The following ASS1 variants were observed in gnomAD, a reference collection of about 807,000 sequenced individuals.
ASS1 encodes the protein argininosuccinate synthase.
A neutral mutation model predicts 60.5 loss-of-function variants in ASS1; 58 were observed. That is an observed-to-expected ratio of 0.96 (90% CI 0.78 to 1.19). ASS1 has a LOEUF of 1.19. Among genes scored for constraint, ASS1 ranks in the 50% most tolerant of loss-of-function variants. The probability of loss-of-function intolerance (pLI) is 0.00; values close to 1 mark genes in which losing one functional copy is unlikely to be tolerated. For missense variants in ASS1, 454 were observed against 547.3 expected, an observed-to-expected ratio of 0.83 and a Z score of 1.70; for synonymous variants, 200 against 206.9, an observed-to-expected ratio of 0.97 and a Z score of 0.29.
chr9:130,464,319 G>T lies in ASS1; in HGVS notation c.420+152G>T, dbSNP rs570604185. ...ATCGGGTGGACAGCCTGCTGGGGAG[G>T]CTCCCTTCGCTGGGGCCAGCTCCAG... On this transcript the variant is annotated intron_variant, in intron 5 of 14. Coordinates refer to ENST00000352480, the MANE Select transcript of ASS1 (RefSeq NM_054012.4). The T allele has an allele frequency of 4.4e-6, 4 of 908,680 alleles. No homozygotes were observed. In the East Asian group the frequency reaches 1.0e-4, roughly 24 times the overall value. 56.3% of individuals were successfully genotyped at this position (908,680 alleles called of 1,614,324 possible). A position where few individuals can be genotyped will look rare whatever the true frequency, so the allele number is the denominator to read the frequency against.
chr9:130,490,059 G>A (rs893582207), intron 12 of ASS1, among the ~76,000 whole-genome samples: 34 of 152,348 alleles, frequency 2.2e-4, no homozygotes, highest in Non-Finnish European at 3.5e-4. Flanking sequence ...CAGGGCCTGA[G>A]CCCTGTCACA....
chr9:130,478,841 C>T lies in ASS1; in HGVS notation c.689-875C>T, dbSNP rs1341197051. The stretch of plus-strand genomic sequence containing the variant: ...TGGGGGTTAAGAATGGCGAGGCTGA[C>T]AGCGCCTTGAGTGAAGCCCCTCCAA... On this transcript the variant is annotated intron_variant, in intron 9 of 14. Transcript: ENST00000352480. This position sits in a 1 kb window ranked among gnomAD's most constrained non-coding sequence, Gnocchi z 4.7. Among the ~76,000 whole-genome samples, 3 of 152,184 alleles carry T rather than the reference C, an allele frequency of 2.0e-5. No individual in the cohort carries two copies. The highest frequency in any genetic ancestry group is 2.9e-5 in the Non-Finnish European group (2 of 68,042).
intron 8 of ASS1, among the ~76,000 whole-genome samples, chr9:130,472,984 C>G (rs1002349913): frequency 6.6e-6 from 1 of 152,182 alleles, no homozygotes; most frequent in African/African-American, 2.4e-5. Flanking sequence ...GGAAATCACC[C>G]CCTCGGACCG....
upstream of ASS1, chr9:130,444,855 G>C (rs1845158667): frequency 6.6e-6 from 1 of 152,248 alleles, no homozygotes; most frequent in Non-Finnish European, 1.5e-5. The surrounding 1 kb of genome is among the most constrained non-coding windows in gnomAD (Gnocchi z 4.7). Flanking sequence ...GCGGGGGCCG[G>C]GCCCGGGGGC....
chr9:130,469,461 G>A (rs910246060), intron 6 of ASS1, among the ~76,000 whole-genome samples: 24 of 151,352 alleles, frequency 1.6e-4, no homozygotes, highest in African/African-American at 5.8e-4. Context: ...CCCAAGCTGG[G>A]GTGCAATGGC....
At chr9:130,445,259 T>C (rs970697974) in intron 1 of ASS1, 24 of 789,118 alleles carry the variant, frequency 3.0e-5, no homozygotes, top group Middle Eastern at 6.5e-4. Context: ...AGTCCCCGGG[T>C]CCGAAGAGCG....
At chr9:130,500,905 G>T in intron 14 of ASS1, 71 bp from the exon 15 acceptor site, 2 of 1,544,920 alleles carry the variant, frequency 1.3e-6, no homozygotes, top group African/African-American at 1.4e-5. Flanking sequence ...AGCTCTGCCT[G>T]AATTAATTGA....
intron 4 of ASS1, among the ~76,000 whole-genome samples, chr9:130,460,721 C>T (rs1845569380): frequency 6.6e-6 from 1 of 152,068 alleles, no homozygotes; most frequent in Non-Finnish European, 1.5e-5. Context: ...TTGGCTTCAT[C>T]CTGAGGGCAA....
At chr9:130,487,991 G>A (rs1846348625) in intron 11 of ASS1, among the ~76,000 whole-genome samples, 1 of 152,084 alleles carries the variant, frequency 6.6e-6, no homozygotes, top group Non-Finnish European at 1.5e-5. Flanking sequence ...CTGACCTGAG[G>A]TGATCCACCT....
Position 130,452,475 on chromosome 9 carries a change from T to C in ASS1, c.105+142T>C. On this transcript the variant is annotated intron_variant, in intron 2 of 14. Coordinates refer to ENST00000352480, the MANE Select transcript of ASS1 (RefSeq NM_054012.4). Reference sequence around the variant, plus strand: ...CTGGCCTCTTCTCTCGAAGCCTGTCTTGAACTGGAACTAGGAAAATAGCTT... The same window carrying C: ...CTGGCCTCTTCTCTCGAAGCCTGTCCTGAACTGGAACTAGGAAAATAGCTT... The C allele has an allele frequency of 1.0e-5, 8 of 765,108 alleles. No homozygotes were observed. The South Asian group carries it at 1.2e-4, about 11-fold the overall frequency. The allele number at this position is 765,108 out of a possible 1,614,324, so 47.4% of individuals were successfully genotyped here.
intron 11 of ASS1, among the ~76,000 whole-genome samples, chr9:130,487,478 G>C (rs1032959468): frequency 2.0e-5 from 3 of 151,698 alleles, no homozygotes; most frequent in African/African-American, 7.3e-5. Flanking sequence ...GCGTAAGCGT[G>C]CCGCTCAACG....
intron 3 of ASS1, among the ~76,000 whole-genome samples, chr9:130,454,870 T>C (rs1845405874): frequency 6.7e-6 from 1 of 148,218 alleles, no homozygotes; most frequent in South Asian, 2.2e-4. Flanking sequence ...TCATCCATCA[T>C]CCATCCACCC....
intron 4 of ASS1, among the ~76,000 whole-genome samples, chr9:130,460,801 G>A (rs1378521715): frequency 6.6e-6 from 1 of 152,174 alleles, no homozygotes; most frequent in Non-Finnish European, 1.5e-5. Context: ...CGAGATGCTG[G>A]GGAAGAGACA....
intron 12 of ASS1, among the ~76,000 whole-genome samples, chr9:130,493,643 G>A (rs542019355): frequency 6.6e-6 from 1 of 152,310 alleles, no homozygotes; most frequent in South Asian, 2.1e-4. Context: ...CCTTTATCAG[G>A]GCAGGAGATC....
chr9:130,490,651 T>A (rs73544053), intron 12 of ASS1, among the ~76,000 whole-genome samples: 5,365 of 152,116 alleles, frequency 0.035, 330 homozygotes, highest in African/African-American at 0.12. Context: ...GGAAAAAAAA[T>A]TTTTTAATGC....
intron 1 of ASS1, chr9:130,445,216 G>A (rs1473193820): frequency 5.1e-6 from 5 of 984,242 alleles, no homozygotes; most frequent in African/African-American, 1.8e-5. Flanking sequence ...GAGCGTGGGG[G>A]ACGCGGCGGG....
intron 8 of ASS1, among the ~76,000 whole-genome samples, chr9:130,473,856 C>A (rs918750777): frequency 3.9e-5 from 6 of 152,176 alleles, no homozygotes; most frequent in Non-Finnish European, 8.8e-5. Flanking sequence ...TGAAAGAGTT[C>A]ATTCAGTCGC....
chr9:130,494,924 A>G lies in ASS1; in HGVS notation c.1028A>G (p.Glu343Gly). 1 of 1,613,546 alleles carries G rather than the reference A, an allele frequency of 6.2e-7. No homozygotes were observed. Among genetic ancestry groups the G allele is most frequent in the Non-Finnish European group, 8.5e-7 (1 of 1,179,934 alleles). ...CGCCACTGCATCGCCAAGTCCCAGGAGCGAGTGGAAGGGAAAGTGCAGGTG... is the reference window on the plus strand; with the variant it reads ...CGCCACTGCATCGCCAAGTCCCAGGGGCGAGTGGAAGGGAAAGTGCAGGTG... Reference protein sequence around the residue: ...FVRHCIAKSQERVEGKVQVSV... With the variant: ...FVRHCIAKSQGRVEGKVQVSV... Residue 343 changes from glutamate (E) to glycine (G), a missense_variant, in exon 13 of 15, where the codon GAG becomes GGG. Glu to Gly is a moderately conservative substitution (Grantham distance 98, BLOSUM62 -2). Transcript: ENST00000352480. The surrounding 1 kb of genome is among the most constrained non-coding windows in gnomAD (Gnocchi z 4.3).
At chr9:130,484,516 C>T (rs183149957) in intron 11 of ASS1, among the ~76,000 whole-genome samples, 40 of 152,152 alleles carry the variant, frequency 2.6e-4, no homozygotes, top group African/African-American at 5.5e-4. Flanking sequence ...CTGCTGACAC[C>T]TCTGTCTTTT....
Sources: allele counts gnomAD v4.1 joint callset (sites outside exome capture counted in the v4.1 genomes callset), GRCh38; gene constraint gnomAD v4.1.1; non-coding constraint Gnocchi (gnomAD v3.1); transcripts MANE v1.5; gene names NCBI Gene and HGNC (gene_info 2026-07-23, HGNC 2026-07-21).